Variants in ATP12A observed in about 807,000 individuals in gnomAD.
ATP12A encodes the protein potassium-transporting ATPase alpha chain 2.
A neutral mutation model predicts 111.2 loss-of-function variants in ATP12A; 81 were observed. The observed-to-expected ratio is 0.73, with a 90% confidence interval of 0.61 to 0.88. ATP12A has a LOEUF of 0.88. ATP12A is among the 40% of genes least tolerant of loss of function. The pLI is 0.00. For synonymous variants in ATP12A, 498 were observed against 499.8 expected (o/e 1.00, Z 0.05); for missense variants, 1,196 against 1,313.1 (o/e 0.91, Z 1.38).
chr13:24,687,785 T>C (rs1037125237), intron 3 of ATP12A, among the ~76,000 whole-genome samples: 4 of 152,232 alleles, frequency 2.6e-5, no homozygotes, highest in Non-Finnish European at 5.9e-5. Context: ...TTCCAGAAGC[T>C]TCCCTATTTC....
In ATP12A at chr13:24,681,712, C is replaced by T. The variant is rs1443371271; in HGVS notation, c.160C>T (p.Leu54Phe). Residue 54 changes from leucine to phenylalanine, a missense_variant, in exon 2 of 23, where the codon CTC becomes TTC. Physicochemically the swap from Leu to Phe is conservative, Grantham distance 22 (BLOSUM62 0). Transcript: ENST00000381946. Reference protein sequence around the residue: ...KNHKEEFQKELHLDDHKLSNR... With the variant: ...KNHKEEFQKEFHLDDHKLSNR... Reference sequence around the variant, plus strand: ...TCACAAAGAGGAGTTTCAGAAAGAACTCCATCTGGTCAGTAGCCTTAAGCC... The same window carrying T: ...TCACAAAGAGGAGTTTCAGAAAGAATTCCATCTGGTCAGTAGCCTTAAGCC... 1 of 1,614,210 alleles carries T rather than the reference C, an allele frequency of 6.2e-7. No individual in the cohort carries two copies. The highest frequency in any genetic ancestry group is 1.1e-5 in the South Asian group (1 of 91,090).
intron 13 of ATP12A, among the ~76,000 whole-genome samples, chr13:24,701,142 T>C (rs965279620): frequency 2.0e-5 from 3 of 152,148 alleles, no homozygotes; most frequent in Non-Finnish European, 4.4e-5. Context: ...GTAAATGCAA[T>C]GAGAAGAATC....
chr13:24,689,500 G>A (rs1168851633), intron 5 of ATP12A, 125 bp downstream of exon 5: 1 of 785,860 alleles, frequency 1.3e-6, no homozygotes. Flanking sequence ...GCAATCGTGG[G>A]CGAATTAACC....
Position 24,692,837 on chromosome 13 carries a change from A to G in ATP12A, c.1318A>G (p.Ile440Val). Residue 440 changes from isoleucine (I) to valine (V), a missense_variant, in exon 10 of 23, where the codon ATA becomes GTA. Transcript: ENST00000381946. ...GACTTGGGCCTCCTTATCCAAGATA[A>G]TAACATTGTGTAACCGAGCAGAGTT... The part of the protein sequence containing the change: ...SRTWASLSKI[I>V]TLCNRAEFKP... The G allele has an allele frequency of 1.2e-6, 2 of 1,614,244 alleles. No individual in the cohort carries two copies. The highest frequency in any genetic ancestry group is 1.7e-6 in the Non-Finnish European group (2 of 1,180,052).
In ATP12A at chr13:24,700,940, G is replaced by T; in HGVS notation, c.1881+18G>T. ...GGATCAAGGTGGGAGTTATTTTCCT[G>T]ACTCAAGAAGTTCTTTCTTTATGTC... On this transcript the variant is annotated intron_variant, in intron 13 of 22. Coordinates refer to ENST00000381946, the MANE Select transcript of ATP12A (RefSeq NM_001676.7). The T allele has an allele frequency of 1.9e-6, 3 of 1,609,800 alleles. No homozygotes were observed. The highest frequency in any genetic ancestry group is 1.1e-5 in the South Asian group (1 of 90,738).
rs780016115 is a variant in ATP12A, at chr13:24,688,324, C to T, written c.234C>T (p.Leu78=). Residue 78 remains leucine (L), a synonymous_variant, in exon 4 of 23, where the codon CTC becomes CTT. Transcript: ENST00000381946. Reference sequence around the variant, plus strand: ...GCTTTGTTTGGCTTTCCCAGGGTCTCTCCAGCACCAGAGCTGCCGAGCTCC... The same window carrying T: ...GCTTTGTTTGGCTTTCCCAGGGTCTTTCCAGCACCAGAGCTGCCGAGCTCC... ...EKYGTDIIMG[L]SSTRAAELLA... is the part of the protein sequence containing the mutation. The T allele has an allele frequency of 6.2e-7, 1 of 1,613,088 alleles. No homozygotes were observed. Among genetic ancestry groups the T allele is most frequent in the Non-Finnish European group, 8.5e-7 (1 of 1,179,550 alleles).
At chr13:24,690,583 C>T in intron 6 of ATP12A, 21 bp from the exon 7 acceptor site, 4 of 1,605,082 alleles carry the variant, frequency 2.5e-6, no homozygotes, top group African/African-American at 1.3e-5. Context: ...AGCTGTGAAC[C>T]ACCTTCAACA....
chr13:24,709,606 G>C (rs7318859), intron 18 of ATP12A, 77 bp from the exon 19 acceptor site: 8 of 1,593,050 alleles, frequency 5.0e-6, no homozygotes, highest in African/African-American at 1.3e-5. Flanking sequence ...GAGGGAGGGG[G>C]AACCGAGAGT....
chr13:24,692,929 C>T (rs755413180), intron 10 of ATP12A, 33 bp downstream of exon 10: 3 of 1,587,008 alleles, frequency 1.9e-6, no homozygotes, highest in African/African-American at 1.3e-5. Context: ...TCTTAAATCA[C>T]AGCCAGTTTG....
chr13:24,680,801 G>T, intron 1 of ATP12A, 49 bp downstream of exon 1: 2 of 1,466,302 alleles, frequency 1.4e-6, no homozygotes, highest in Non-Finnish European at 9.0e-7. Flanking sequence ...CTGGGCCAAG[G>T]CCCCGGGGAC....
At chr13:24,702,632 T>C (rs1002034215) in intron 14 of ATP12A, among the ~76,000 whole-genome samples, 16 of 152,250 alleles carry the variant, frequency 1.1e-4, no homozygotes, top group African/African-American at 3.9e-4. Flanking sequence ...TTAATCATGT[T>C]CATCCAACTG....
Position 24,700,847 on chromosome 13 carries a change from AC to A in ATP12A, c.1807del (p.Leu603SerfsTer4), listed in dbSNP as rs772518014. On this transcript the variant is annotated frameshift_variant, in exon 13 of 23. Transcript: ENST00000381946. LOFTEE classifies it high-confidence loss of function. ...FPTSNLCFVGLLSMIDPPRST... is the reference protein window; with the variant it reads ...FPTSNLCFVGXLSMIDPPRST... ...CGACCTCCAACCTCTGTTTTGTGGG[AC>A]TCTTGTCAATGATCGATCCCCCTCG... 1 of 1,613,940 alleles carries A rather than the reference AC, an allele frequency of 6.2e-7. No individual in the cohort carries two copies. The highest frequency in any genetic ancestry group is 8.5e-7 in the Non-Finnish European group (1 of 1,179,986).
intron 13 of ATP12A, among the ~76,000 whole-genome samples, chr13:24,701,501 C>CA (rs10586421): frequency 0.03 from 3,018 of 101,222 alleles, 91 homozygotes; most frequent in African/African-American, 0.08. Context: ...AACTCTGTCT[C>CA]AAAAAAAAAA....
chr13:24,681,509 C>T, intron 1 of ATP12A, 53 bp from the exon 2 acceptor site: 1 of 1,587,346 alleles, frequency 6.3e-7, no homozygotes, highest in Non-Finnish European at 8.5e-7. Flanking sequence ...GCGCTCAGCA[C>T]CTCTTCGGAA....
intron 19 of ATP12A, 48 bp from the exon 20 acceptor site, chr13:24,710,412 A>G: frequency 6.2e-7 from 1 of 1,604,920 alleles, no homozygotes; most frequent in Non-Finnish European, 8.5e-7. Context: ...ATTTCCTAGA[A>G]GTTTTCCTTT....
intron 17 of ATP12A, among the ~76,000 whole-genome samples, chr13:24,708,900 GGAAAGAAAGAAAGAAAGAAAGAAAGAAA>G (rs764913574): frequency 7.7e-5 from 5 of 65,118 alleles, no homozygotes; most frequent in Non-Finnish European, 1.4e-4. Context: ...AAGAAAGAAA[GGAAAGAAAGAAAGAAAGAAAGAAAGAAA>G]GAAAGAAAGA....
At chr13:24,688,195 CT>C in intron 3 of ATP12A, 123 bp from the exon 4 acceptor site, 1 of 1,088,486 alleles carries the variant, frequency 9.2e-7, no homozygotes. Context: ...TTCTCGGGAC[CT>C]TCTTTGGCCA....
intron 2 of ATP12A, among the ~76,000 whole-genome samples, chr13:24,682,161 T>TGTGTGTGTGTG (rs1270758497): frequency 0.025 from 2,805 of 112,570 alleles, 153 homozygotes; most frequent in African/African-American, 0.051. Flanking sequence ...GTGTGTGTGG[T>TGTGTGTGTGTG]GTGTGTATGT....
At chr13:24,698,891 A>C (rs369477629) in intron 12 of ATP12A, 41 bp downstream of exon 12, 3 of 1,604,204 alleles carry the variant, frequency 1.9e-6, no homozygotes, top group Non-Finnish European at 2.6e-6. Context: ...CCTGGTGGGC[A>C]CAGAGATGAG....
Sources: allele counts gnomAD v4.1 joint callset (sites outside exome capture counted in the v4.1 genomes callset), GRCh38; gene constraint gnomAD v4.1.1; transcripts MANE v1.5; gene names NCBI Gene and HGNC (gene_info 2026-07-23, HGNC 2026-07-21).